Variants in EGLN3 observed in about 807,000 individuals in gnomAD.
The protein encoded by EGLN3 is egl-9 family hypoxia inducible factor 3.
Under a neutral mutation model 26.0 loss-of-function variants are expected in EGLN3, and 15 were observed. The observed-to-expected ratio is 0.58, with a 90% CI of 0.39 to 0.89. EGLN3 has a LOEUF of 0.89. Among genes scored for constraint, EGLN3 ranks in the 40% least tolerant of loss-of-function variants. EGLN3 has a pLI of 0.00. For missense variants in EGLN3, 238 were observed against 311.6 expected (o/e 0.76, Z 1.78); for synonymous variants, 147 against 127.2 (o/e 1.16, Z -1.05).
At chr14:33,927,748 A>C (rs938461591) in intron 3 of EGLN3, among the ~76,000 whole-genome samples, 3 of 152,222 alleles carry the variant, frequency 2.0e-5, no homozygotes, top group Non-Finnish European at 4.4e-5. Flanking sequence ...TAGAGAAGAG[A>C]TGACATTTGA....
chr14:33,929,759 AAT>A (rs1320710693), intron 2 of EGLN3, among the ~76,000 whole-genome samples: 1 of 152,198 alleles, frequency 6.6e-6, no homozygotes, highest in East Asian at 1.9e-4. Context: ...ATGGACGTAA[AAT>A]AGAGTACTAT....
At chr14:33,941,694 T>A (rs924485238) in intron 1 of EGLN3, among the ~76,000 whole-genome samples, 1 of 152,128 alleles carries the variant, frequency 6.6e-6, no homozygotes, top group African/African-American at 2.4e-5. Flanking sequence ...TATACAAAGC[T>A]TAACAGTCTC....
At chr14:33,930,417 A>G (rs905570021) in intron 2 of EGLN3, among the ~76,000 whole-genome samples, 1 of 152,244 alleles carries the variant, frequency 6.6e-6, no homozygotes, top group African/African-American at 2.4e-5. Flanking sequence ...ATTGAGATGC[A>G]GAAGGTTCAA....
At chr14:33,932,025 AAC>A (rs1432479491) in intron 1 of EGLN3, among the ~76,000 whole-genome samples, 2 of 152,238 alleles carry the variant, frequency 1.3e-5, no homozygotes, top group Non-Finnish European at 2.9e-5. Context: ...GAAAAATTAT[AAC>A]ACAGAGTGGG....
At chr14:33,947,186 G>C (rs1159402556) in intron 1 of EGLN3, among the ~76,000 whole-genome samples, 1 of 152,178 alleles carries the variant, frequency 6.6e-6, no homozygotes, top group Non-Finnish European at 1.5e-5. Context: ...AGAAAAAGGA[G>C]CAAATTATGA....
chr14:33,936,840 AC>A (rs1423018757), intron 1 of EGLN3, among the ~76,000 whole-genome samples: 1 of 152,056 alleles, frequency 6.6e-6, no homozygotes, highest in Admixed American at 6.5e-5. Flanking sequence ...AAATCTAAAG[AC>A]AAATTAAGCC....
chr14:33,942,072 A>G (rs993210714), intron 1 of EGLN3, among the ~76,000 whole-genome samples: 4 of 152,068 alleles, frequency 2.6e-5, no homozygotes, highest in African/African-American at 9.7e-5. Context: ...GGATTTTTGG[A>G]TTATTTTGTT....
chr14:33,944,894 G>A (rs1469545968), intron 1 of EGLN3, among the ~76,000 whole-genome samples: 1 of 152,206 alleles, frequency 6.6e-6, no homozygotes, highest in African/African-American at 2.4e-5. Flanking sequence ...TAAGGTTATA[G>A]TGAAGTGGCC....
intron 1 of EGLN3, among the ~76,000 whole-genome samples, chr14:33,941,815 A>G (rs1211155236): frequency 6.6e-6 from 1 of 152,172 alleles, no homozygotes; most frequent in Non-Finnish European, 1.5e-5. Flanking sequence ...GCAGAAGGGA[A>G]GACTTCAGGG....
chr14:33,931,114 G>A lies in EGLN3; in HGVS notation c.459C>T (p.Asn153=). 2 of 1,614,186 alleles carry A rather than the reference G, an allele frequency of 1.2e-6. No individual in the cohort carries two copies. The highest frequency in any genetic ancestry group is 1.7e-6 in the Non-Finnish European group (2 of 1,180,026). ...AAAGTACCTTGGCATCCCAATTCTT[G>A]TTCAGATAGTAGATGCAGGTGATGC... is the stretch of plus-strand genomic sequence containing the variant. ...GRCITCIYYL[N]KNWDAKLHGG... Residue 153 remains asparagine (N), a synonymous_variant, in exon 2 of 5, where the codon AAC becomes AAT. Coordinates refer to ENST00000250457, the MANE Select transcript of EGLN3 (RefSeq NM_022073.4).
chr14:33,928,561 G>A (rs1444432812), intron 3 of EGLN3, among the ~76,000 whole-genome samples: 2 of 152,108 alleles, frequency 1.3e-5, no homozygotes, highest in Non-Finnish European at 2.9e-5. Flanking sequence ...TCCAACTGTT[G>A]GACCATGGAT....
chr14:33,937,510 G>A (rs887224108), intron 1 of EGLN3, among the ~76,000 whole-genome samples: 4 of 152,300 alleles, frequency 2.6e-5, no homozygotes, highest in Admixed American at 1.3e-4. Flanking sequence ...AACACAAGCT[G>A]TGTCCAGCCA....
In EGLN3 at chr14:33,930,982, T is replaced by G. The variant is rs1375951053; in HGVS notation, c.477+114A>C. 4 of 1,420,568 alleles carry G rather than the reference T, an allele frequency of 2.8e-6. No individual in the cohort carries two copies. In the East Asian group the frequency reaches 9.2e-5, roughly 33 times the overall value. 88.0% of individuals were successfully genotyped at this position (1,420,568 alleles called of 1,614,324 possible). A position where few individuals can be genotyped will look rare whatever the true frequency, so the allele number is the denominator to read the frequency against. On this transcript the variant is annotated intron_variant, in intron 2 of 4. Coordinates refer to ENST00000250457, the MANE Select transcript of EGLN3 (RefSeq NM_022073.4). ...GTTATGAAATGGAAATAGAAATGTT[T>G]CATCAGTGGGAGATACGGCAACTAT...
chr14:33,946,360 G>C (rs983295243), intron 1 of EGLN3, among the ~76,000 whole-genome samples: 3 of 150,964 alleles, frequency 2.0e-5, no homozygotes, highest in African/African-American at 7.3e-5. Flanking sequence ...TGCGCAACAG[G>C]AGCAAAACTC....
rs748459848 is a variant in EGLN3, at chr14:33,931,209, C to A, written c.364G>T (p.Val122Leu). ...GTTCCATTTCCCGGATAGCAAGCCA[C>A]CATTGCCTATGGAGAAATCCCAAGA... Reference protein sequence around the residue: ...YYVKERSKAMVACYPGNGTGY... With the variant: ...YYVKERSKAMLACYPGNGTGY... Residue 122 changes from valine to leucine, a missense_variant, in exon 2 of 5, where the codon GTG becomes TTG. By Grantham distance (32) the Val-to-Leu change is conservative. Transcript: ENST00000250457. The A allele has an allele frequency of 1.2e-6, 2 of 1,614,180 alleles. No individual in the cohort carries two copies. Among genetic ancestry groups the A allele is most frequent in the East Asian group, 4.5e-5 (2 of 44,888 alleles).
At chr14:33,925,987 C>T (rs928948811) in intron 4 of EGLN3, 65 bp from the exon 5 acceptor site, 1 of 1,522,830 alleles carries the variant, frequency 6.6e-7, no homozygotes, top group African/African-American at 1.4e-5. Context: ...TTTTATGTCA[C>T]AAATGTCACC....
intron 1 of EGLN3, among the ~76,000 whole-genome samples, chr14:33,941,909 C>G (rs753848575): frequency 3.9e-5 from 6 of 152,116 alleles, no homozygotes; most frequent in Non-Finnish European, 7.3e-5. Flanking sequence ...AAATTAGTTT[C>G]TAGCATTTCA....
At chr14:33,950,350 C>T in intron 1 of EGLN3, 46 bp downstream of exon 1, 1 of 1,584,354 alleles carries the variant, frequency 6.3e-7, no homozygotes, top group Non-Finnish European at 8.7e-7. Context: ...CGAGTGCCTC[C>T]CGTCCCCGCG....
intron 1 of EGLN3, among the ~76,000 whole-genome samples, chr14:33,946,933 T>C (rs2064522172): frequency 6.6e-6 from 1 of 152,224 alleles, no homozygotes; most frequent in African/African-American, 2.4e-5. Flanking sequence ...CTTTGAAACT[T>C]TGGGCACAGT....
Sources: allele counts gnomAD v4.1 joint callset (sites outside exome capture counted in the v4.1 genomes callset), GRCh38; gene constraint gnomAD v4.1.1; transcripts MANE v1.5; gene names NCBI Gene and HGNC (gene_info 2026-07-23, HGNC 2026-07-21).